NELL1: variants seen among roughly 807,000 people sequenced by gnomAD.
NELL1 encodes protein kinase C-binding protein NELL1.
A neutral mutation model predicts 107.4 loss-of-function variants in NELL1; 76 were observed. The ratio of observed to expected loss-of-function variants is 0.71; its 90% CI spans 0.59 to 0.86. The LOEUF (loss-of-function observed/expected upper bound fraction) is 0.86, where lower values mean the gene tolerates loss of function less well. NELL1 is among the 40% of genes least tolerant of loss of function. NELL1 has a pLI of 0.00. For synonymous variants in NELL1, 353 were observed against 341.2 expected (o/e 1.03, Z -0.38); for missense variants, 1,024 against 1,005.5 (o/e 1.02, Z -0.25).
chr11:21,152,975 T>C (rs558179906), intron 13 of NELL1, among the ~76,000 whole-genome samples: 1 of 152,302 alleles, frequency 6.6e-6, no homozygotes, highest in African/African-American at 2.4e-5. Context: ...ATAATTTTCA[T>C]TTACATCACC....
intron 15 of NELL1, among the ~76,000 whole-genome samples, chr11:21,392,758 A>G (rs1360732848): frequency 6.6e-6 from 1 of 151,794 alleles, no homozygotes; most frequent in Non-Finnish European, 1.5e-5. Flanking sequence ...GGTTAATGGA[A>G]TGAATACAAT....
At chr11:21,258,552 G>T (rs1238129893) in intron 14 of NELL1, among the ~76,000 whole-genome samples, 1 of 151,904 alleles carries the variant, frequency 6.6e-6, no homozygotes, top group African/African-American at 2.4e-5. Flanking sequence ...AGGCAGGCAG[G>T]AGAATTTTCT....
At chr11:21,024,476 A>C (rs1168650215) in intron 12 of NELL1, among the ~76,000 whole-genome samples, 2 of 152,118 alleles carry the variant, frequency 1.3e-5, no homozygotes, top group Non-Finnish European at 2.9e-5. Context: ...ACCACTTTGA[A>C]GTGTTAGTTA....
At chr11:20,963,016 G>A (rs903314403) in intron 12 of NELL1, among the ~76,000 whole-genome samples, 2 of 152,142 alleles carry the variant, frequency 1.3e-5, no homozygotes, top group Non-Finnish European at 2.9e-5. Flanking sequence ...TAGAGTGAAT[G>A]CCAACATTTA....
chr11:20,962,427 A>C (rs991549602), intron 12 of NELL1, among the ~76,000 whole-genome samples: 1 of 152,186 alleles, frequency 6.6e-6, no homozygotes, highest in African/African-American at 2.4e-5. Flanking sequence ...TGATAGAAGA[A>C]ACCTCAAAAA....
chr11:21,552,206 A>G (rs551930404), intron 16 of NELL1, among the ~76,000 whole-genome samples: 3 of 149,818 alleles, frequency 2.0e-5, no homozygotes, highest in East Asian at 4.0e-4. Flanking sequence ...GTTAATGGGT[A>G]CAGCACACCA....
intron 10 of NELL1, among the ~76,000 whole-genome samples, chr11:20,940,443 G>C (rs957800284): frequency 3.3e-5 from 5 of 152,084 alleles, no homozygotes; most frequent in African/African-American, 1.2e-4. Context: ...ATTTTTAGTA[G>C]AGACGGGTTG....
chr11:20,930,849 G>C (rs1850603710), intron 9 of NELL1, among the ~76,000 whole-genome samples: 1 of 144,980 alleles, frequency 6.9e-6, no homozygotes, highest in South Asian at 2.2e-4. Flanking sequence ...TAGCAATTTA[G>C]TTAGGTAGCA....
chr11:21,029,825 C>T (rs1042661055), intron 12 of NELL1, among the ~76,000 whole-genome samples: 1 of 152,156 alleles, frequency 6.6e-6, no homozygotes, highest in Non-Finnish European at 1.5e-5. Context: ...CTCTCCAATC[C>T]TCTTTCAATC....
chr11:20,850,179 A>G (rs1848770811), intron 4 of NELL1, among the ~76,000 whole-genome samples: 1 of 152,248 alleles, frequency 6.6e-6, no homozygotes, highest in Non-Finnish European at 1.5e-5. Context: ...CTTCCCAGCC[A>G]GAACTTGCCA....
At chr11:21,023,251 ATTC>A (rs747817616) in intron 12 of NELL1, among the ~76,000 whole-genome samples, 16 of 152,154 alleles carry the variant, frequency 1.1e-4, no homozygotes, top group Non-Finnish European at 1.8e-4. Flanking sequence ...TCAGCCAGCC[ATTC>A]TTCTCCTTTG....
At chr11:20,765,738 G>A (rs762360644) in intron 2 of NELL1, among the ~76,000 whole-genome samples, 4 of 152,082 alleles carry the variant, frequency 2.6e-5, no homozygotes, top group Non-Finnish European at 5.9e-5. Context: ...GCCTGGTGAG[G>A]TCTATAGGAG....
intron 14 of NELL1, among the ~76,000 whole-genome samples, chr11:21,302,224 CAGAT>C (rs1243532260): frequency 1.3e-5 from 2 of 152,012 alleles, no homozygotes; most frequent in Non-Finnish European, 2.9e-5. Context: ...AGGTTGCAGT[CAGAT>C]AGAAGCCCAT....
intron 10 of NELL1, among the ~76,000 whole-genome samples, chr11:20,946,722 A>G (rs927884606): frequency 3.3e-5 from 5 of 152,154 alleles, no homozygotes; most frequent in African/African-American, 1.2e-4. Context: ...TTATTCTATG[A>G]CACATTATAA....
intron 15 of NELL1, among the ~76,000 whole-genome samples, chr11:21,527,967 T>C (rs1264010448): frequency 6.6e-6 from 1 of 152,108 alleles, no homozygotes; most frequent in East Asian, 1.9e-4. Flanking sequence ...AATGTTAATC[T>C]CCTTTGGCAA....
chr11:20,924,742 C>T (rs1202559917), intron 7 of NELL1, among the ~76,000 whole-genome samples: 2 of 152,274 alleles, frequency 1.3e-5, no homozygotes, highest in East Asian at 3.9e-4. Flanking sequence ...AGGAGGAATG[C>T]AGATCTGGTT....
chr11:21,294,861 A>T (rs1336713908), intron 14 of NELL1, among the ~76,000 whole-genome samples: 2 of 152,116 alleles, frequency 1.3e-5, no homozygotes, highest in Admixed American at 1.3e-4. Flanking sequence ...TGAAAAAAAT[A>T]CTATAGACTC....
At chr11:21,484,801 G>A (rs1372114539) in intron 15 of NELL1, among the ~76,000 whole-genome samples, 1 of 152,062 alleles carries the variant, frequency 6.6e-6, no homozygotes, top group Non-Finnish European at 1.5e-5. Flanking sequence ...TGTTTTGATG[G>A]TATTAAATGA....
rs565829222 is a variant in NELL1, at chr11:20,742,669, A to G, written c.185-41011A>G. Among the ~76,000 whole-genome samples the G allele has an allele frequency of 5.1e-4, 77 of 152,286 alleles. 1 individual carries two copies. The South Asian group carries it at 0.016, about 31-fold the overall frequency. ...CTTTGTAAAACCATCAGATCTCATG[A>G]GACTTATTCACTATCACAAGAACAG... is the stretch of plus-strand genomic sequence containing the variant. On this transcript the variant is annotated intron_variant, in intron 2 of 19. Coordinates refer to ENST00000357134, the MANE Select transcript of NELL1 (RefSeq NM_006157.5).
Sources: gnomAD v4.1 joint callset for allele counts (sites outside exome capture counted in the v4.1 genomes callset) on GRCh38, gnomAD v4.1.1 for gene constraint, MANE v1.5 for transcripts, NCBI Gene and HGNC (gene_info 2026-07-23, HGNC 2026-07-21) for gene names.